STK32B: variants seen among roughly 807,000 people sequenced by gnomAD.
STK32B encodes serine/threonine-protein kinase 32B.
STK32B carries 43 observed loss-of-function variants against 52.6 expected under a neutral mutation model. That is an observed-to-expected ratio of 0.82 (90% CI 0.64 to 1.05). STK32B has a LOEUF of 1.05. STK32B is among the 50% of genes least tolerant of loss of function. STK32B has a pLI of 0.00. For synonymous variants in STK32B, 238 were observed against 204.3 expected, an observed-to-expected ratio of 1.17 and a Z score of -1.41; for missense variants, 621 against 534.6, an observed-to-expected ratio of 1.16 and a Z score of -1.59.
At chr4:5,160,078 A>C (rs1718317559) in intron 2 of STK32B, among the ~76,000 whole-genome samples, 1 of 152,176 alleles carries the variant, frequency 6.6e-6, no homozygotes, top group South Asian at 2.1e-4. Flanking sequence ...ACCTCACCCC[A>C]AAACACCCGC....
intron 6 of STK32B, among the ~76,000 whole-genome samples, chr4:5,425,361 C>T (rs989606341): frequency 6.6e-6 from 1 of 152,186 alleles, no homozygotes; most frequent in Non-Finnish European, 1.5e-5. Context: ...TTATTGAGGC[C>T]AGGGAAAGTG....
At chr4:5,443,974 G>T (rs904925038) in intron 6 of STK32B, among the ~76,000 whole-genome samples, 1 of 152,204 alleles carries the variant, frequency 6.6e-6, no homozygotes, top group Admixed American at 6.5e-5. Flanking sequence ...ATCTCCAGCT[G>T]CGTGCTGGGA....
intron 4 of STK32B, among the ~76,000 whole-genome samples, chr4:5,379,354 C>T (rs1276034938): frequency 1.3e-5 from 2 of 152,140 alleles, no homozygotes; most frequent in Non-Finnish European, 2.9e-5. Context: ...ACTGCGTGCT[C>T]CCCTCCTTGA....
chr4:5,379,428 C>G (rs1398131334), intron 4 of STK32B, among the ~76,000 whole-genome samples: 1 of 152,096 alleles, frequency 6.6e-6, no homozygotes, highest in Non-Finnish European at 1.5e-5. Context: ...GCAGGAGGCT[C>G]CCCCACTCTG....
At chr4:5,164,852 G>T (rs1424979916) in intron 2 of STK32B, among the ~76,000 whole-genome samples, 2 of 152,236 alleles carry the variant, frequency 1.3e-5, no homozygotes, top group African/African-American at 4.8e-5. Flanking sequence ...TCTCCACTCA[G>T]TGCATTAGAT....
chr4:5,389,889 A>G (rs1331247791), intron 4 of STK32B, among the ~76,000 whole-genome samples: 2 of 152,218 alleles, frequency 1.3e-5, no homozygotes, highest in Admixed American at 1.3e-4. Context: ...GCTCCTGCCA[A>G]TGAGCAGATA....
Position 5,353,544 on chromosome 4 carries a change from TA to T in STK32B, c.434+22163del, listed in dbSNP as rs138450850. ...CCAGAGTATACAAGGAACTCAACAG[TA>T]AAAAAAAAAAATAAAAATAAAAAGT... On this transcript the variant is annotated intron_variant, in intron 4 of 11. Coordinates refer to ENST00000282908, the MANE Select transcript of STK32B (RefSeq NM_018401.3). 8.4e-3 allele frequency among the ~76,000 whole-genome samples: 1,192 copies of T among 142,062 alleles called. 11 individuals carry two copies. The highest frequency in any genetic ancestry group is 0.025 in the African/African-American group (1,007 of 40,054). 93.2% of individuals were successfully genotyped at this position (142,062 alleles called of 152,430 possible). A position where few individuals can be genotyped will look rare whatever the true frequency, so the allele number is the denominator to read the frequency against.
intron 3 of STK32B, among the ~76,000 whole-genome samples, chr4:5,271,670 T>A (rs1041391126): frequency 4.1e-5 from 6 of 147,460 alleles, no homozygotes. Context: ...TGTATCCTCT[T>A]TTATTTCCTT....
chr4:5,147,654 C>A (rs974023674), intron 2 of STK32B, among the ~76,000 whole-genome samples: 1 of 151,938 alleles, frequency 6.6e-6, no homozygotes, highest in African/African-American at 2.4e-5. Context: ...CTATCAAATA[C>A]TTTTTGTGCA....
At chr4:5,134,065 T>C (rs1315979418) in intron 1 of STK32B, among the ~76,000 whole-genome samples, 1 of 152,160 alleles carries the variant, frequency 6.6e-6, no homozygotes, top group Non-Finnish European at 1.5e-5. Context: ...TGCAGCCCAA[T>C]GACCCATACC....
At chr4:5,174,804 A>G (rs1359552930) in intron 3 of STK32B, among the ~76,000 whole-genome samples, 2 of 152,104 alleles carry the variant, frequency 1.3e-5, no homozygotes, top group Non-Finnish European at 2.9e-5. Flanking sequence ...CTCGAGGAGT[A>G]TCTTTTTGGC....
At chr4:5,186,597 C>T (rs981066867) in intron 3 of STK32B, among the ~76,000 whole-genome samples, 2 of 152,144 alleles carry the variant, frequency 1.3e-5, no homozygotes, top group Admixed American at 6.5e-5. Flanking sequence ...AGATTTCAAA[C>T]ACCCACCATG....
rs1560186195 is a variant in STK32B, at chr4:5,159,664, AATGTATATGAATAT to A, written c.109-8632_109-8619del. The stretch of plus-strand genomic sequence containing the variant: ...ATGAATGTATATGAATATATATATG[AATGTATATGAATAT>A]ATATATGAATATATATGAATATATA... On this transcript the variant is annotated intron_variant, in intron 2 of 11. Transcript: ENST00000282908. 1.3e-4 allele frequency among the ~76,000 whole-genome samples: 9 copies of A among 68,386 alleles called. 1 individual carries two copies. The highest frequency in any genetic ancestry group is 5.4e-4 in the African/African-American group (9 of 16,558). The allele number at this position is 68,386 out of a possible 152,430, so 44.9% of individuals were successfully genotyped here.
the STK32B span, among the ~76,000 whole-genome samples, chr4:5,038,944 A>G: frequency 6.6e-5 from 10 of 151,246 alleles, no homozygotes; most frequent in Admixed American, 2.0e-4. Context: ...ATAACATAGC[A>G]TAAAACACAA....
intron 3 of STK32B, among the ~76,000 whole-genome samples, chr4:5,169,262 C>T (rs890711661): frequency 6.6e-6 from 1 of 152,154 alleles, no homozygotes; most frequent in South Asian, 2.1e-4. Flanking sequence ...TTGCTTGTTT[C>T]TGGGTAGTCT....
chr4:5,267,872 G>A (rs1246273419), intron 3 of STK32B, among the ~76,000 whole-genome samples: 3 of 152,152 alleles, frequency 2.0e-5, no homozygotes, highest in African/African-American at 7.2e-5. Flanking sequence ...ACCATCTCTG[G>A]AGGCTGCCCA....
intron 3 of STK32B, among the ~76,000 whole-genome samples, chr4:5,299,912 G>A (rs957785004): frequency 6.6e-6 from 1 of 152,114 alleles, no homozygotes; most frequent in Non-Finnish European, 1.5e-5. Context: ...AAATTAAGGA[G>A]GATGGATTCC....
intron 3 of STK32B, among the ~76,000 whole-genome samples, chr4:5,315,930 C>G (rs1323427209): frequency 1.3e-5 from 2 of 150,520 alleles, no homozygotes; most frequent in African/African-American, 4.9e-5. Flanking sequence ...ATCTCGAACT[C>G]CTGACCTCAG....
At chr4:5,345,666 G>T (rs1733403431) in intron 4 of STK32B, among the ~76,000 whole-genome samples, 1 of 152,174 alleles carries the variant, frequency 6.6e-6, no homozygotes. Context: ...CTTGCCTAAG[G>T]GCAAACAGGA....
Sources: gnomAD v4.1 joint callset for allele counts (sites outside exome capture counted in the v4.1 genomes callset) on GRCh38, gnomAD v4.1.1 for gene constraint, MANE v1.5 for transcripts, NCBI Gene and HGNC (gene_info 2026-07-23, HGNC 2026-07-21) for gene names.